Variants in CCDC62 observed in about 807,000 individuals in gnomAD.
CCDC62 encodes coiled-coil domain-containing protein 62.
A neutral mutation model predicts 80.8 loss-of-function variants in CCDC62; 72 were observed. The observed-to-expected ratio is 0.89, with a 90% CI of 0.74 to 1.08. The LOEUF is 1.08. CCDC62 is among the 50% of genes least tolerant of loss of function. The pLI, the probability that CCDC62 is intolerant of heterozygous loss-of-function variation, is 0.00. For missense variants in CCDC62, 704 were observed against 809.4 expected, an observed-to-expected ratio of 0.87 and a Z score of 1.58; for synonymous variants, 286 against 296.5, an observed-to-expected ratio of 0.96 and a Z score of 0.36.
chr12:122,811,684 G>A (rs971808005), intron 10 of CCDC62, among the ~76,000 whole-genome samples: 1 of 150,994 alleles, frequency 6.6e-6, no homozygotes, highest in African/African-American at 2.4e-5. Flanking sequence ...GCTGGGCGTG[G>A]TGGCACATGC....
At chr12:122,812,905 T>G in intron 10 of CCDC62, among the ~76,000 whole-genome samples, 1 of 151,470 alleles carries the variant, frequency 6.6e-6, no homozygotes, top group Non-Finnish European at 1.5e-5. Flanking sequence ...GACAAAGAAA[T>G]ATTCACAGGT....
intron 2 of CCDC62, among the ~76,000 whole-genome samples, chr12:122,778,633 A>C (rs145234553): frequency 8.7e-4 from 132 of 152,222 alleles, no homozygotes; most frequent in African/African-American, 3.1e-3. Context: ...TAATCCCAGC[A>C]CTTTGGGAGG....
intron 11 of CCDC62, among the ~76,000 whole-genome samples, chr12:122,822,060 A>AACACACACAC (rs58108370): frequency 0.25 from 28,836 of 115,572 alleles, 4,045 homozygotes; most frequent in Non-Finnish European, 0.27. Context: ...TATAAATTTA[A>AACACACACAC]ACACACACAC....
chr12:122,785,866 T>TTA, intron 4 of CCDC62, 46 bp downstream of exon 4: 9 of 1,237,160 alleles, frequency 7.3e-6, no homozygotes, highest in Non-Finnish European at 1.1e-5. Flanking sequence ...TGCTTGGTAG[T>TTA]TATATCCATA....
At chr12:122,810,157 A>C (rs2031806684) in intron 10 of CCDC62, among the ~76,000 whole-genome samples, 1 of 152,046 alleles carries the variant, frequency 6.6e-6, no homozygotes, top group African/African-American at 2.4e-5. Context: ...ACAAAAGCCA[A>C]AATCGGCAAA....
chr12:122,815,727 G>A (rs765094152), intron 11 of CCDC62, among the ~76,000 whole-genome samples: 14 of 152,176 alleles, frequency 9.2e-5, no homozygotes, highest in African/African-American at 2.6e-4. Flanking sequence ...GATTACAGAC[G>A]TGAGCCACCA....
At chr12:122,787,370 G>A (rs2030320286) in intron 4 of CCDC62, among the ~76,000 whole-genome samples, 1 of 151,906 alleles carries the variant, frequency 6.6e-6, no homozygotes, top group Non-Finnish European at 1.5e-5. Context: ...AGGATCCCCG[G>A]AAGCCGGGAG....
chr12:122,786,306 C>T (rs1696319), intron 4 of CCDC62, among the ~76,000 whole-genome samples: 117,392 of 148,320 alleles, frequency 0.79, 47,271 homozygotes, highest in Middle Eastern at 0.9. Context: ...CGCCACCACA[C>T]CCGGCTAATT....
chr12:122,777,812 A>G (rs1297656657), intron 2 of CCDC62, 129 bp downstream of exon 2: 2 of 791,762 alleles, frequency 2.5e-6, no homozygotes, highest in Non-Finnish European at 4.0e-6. Flanking sequence ...CTCATTGGAG[A>G]CAGGAGGACT....
chr12:122,820,996 G>T (rs1008281395), intron 11 of CCDC62, among the ~76,000 whole-genome samples: 1 of 152,130 alleles, frequency 6.6e-6, no homozygotes, highest in Non-Finnish European at 1.5e-5. Flanking sequence ...GGCCACACAG[G>T]CAGGGGGAGG....
intron 10 of CCDC62, among the ~76,000 whole-genome samples, chr12:122,807,567 A>G (rs1264392936): frequency 1.3e-5 from 2 of 150,562 alleles, no homozygotes; most frequent in Non-Finnish European, 1.5e-5. Context: ...TCTGACATCT[A>G]TGATTTACCA....
chr12:122,777,782 C>A, intron 2 of CCDC62, 99 bp downstream of exon 2: 1 of 1,125,760 alleles, frequency 8.9e-7, no homozygotes, highest in Non-Finnish European at 1.3e-6. Context: ...ACTGCAATCC[C>A]TGTTGTCCTC....
At chr12:122,792,201 G>T (rs111808590) in intron 6 of CCDC62, 80 bp downstream of exon 6, 7 of 715,600 alleles carry the variant, frequency 9.8e-6, no homozygotes, top group South Asian at 3.4e-5. Context: ...CTCCCAAAAT[G>T]GTTTTTTTTT....
intron 1 of CCDC62, among the ~76,000 whole-genome samples, chr12:122,775,559 G>A (rs1369392271): frequency 6.6e-6 from 1 of 152,152 alleles, no homozygotes; most frequent in Non-Finnish European, 1.5e-5. Flanking sequence ...GAAATCCCTT[G>A]ACTCCAAATT....
At chr12:122,777,763 GAAGTA>G in intron 2 of CCDC62, 80 bp downstream of exon 2, 10 of 1,374,216 alleles carry the variant, frequency 7.3e-6, no homozygotes, top group African/African-American at 5.7e-5. Flanking sequence ...AGATAGAGAG[GAAGTA>G]AAGACTGCAA....
chr12:122,793,652 A>G (rs1161082823), intron 6 of CCDC62, among the ~76,000 whole-genome samples: 1 of 152,066 alleles, frequency 6.6e-6, no homozygotes, highest in Non-Finnish European at 1.5e-5. Flanking sequence ...AAGGGGTCTC[A>G]CTATGTTGCC....
intron 11 of CCDC62, among the ~76,000 whole-genome samples, chr12:122,819,132 G>A (rs941275258): frequency 3.9e-5 from 6 of 152,144 alleles, no homozygotes; most frequent in Non-Finnish European, 1.5e-5. Flanking sequence ...GAGATATTGG[G>A]AAGACAGAAT....
chr12:122,823,278 A>G, intron 11 of CCDC62, 88 bp from the exon 12 acceptor site: 2 of 980,328 alleles, frequency 2.0e-6, no homozygotes, highest in Admixed American at 3.6e-5. Flanking sequence ...ACATCTCTTA[A>G]AGGCATTTCT....
At chr12:122,787,973 C>T (rs773394783) in intron 4 of CCDC62, among the ~76,000 whole-genome samples, 4 of 152,144 alleles carry the variant, frequency 2.6e-5, no homozygotes, top group Non-Finnish European at 4.4e-5. Context: ...GACCTGGTCA[C>T]AAAGTTCCAT....
Sources: allele counts gnomAD v4.1 joint callset (sites outside exome capture counted in the v4.1 genomes callset), GRCh38; gene constraint gnomAD v4.1.1; transcripts MANE v1.5; gene names NCBI Gene and HGNC (gene_info 2026-07-23, HGNC 2026-07-21).